The following RGS12 variants were observed in gnomAD, a reference collection of about 807,000 sequenced individuals.
The protein encoded by RGS12 is regulator of G protein signaling 12.
Under a neutral mutation model 120.1 loss-of-function variants are expected in RGS12, and 66 were observed. The observed-to-expected ratio is 0.55, with a 90% CI of 0.45 to 0.67. The LOEUF is 0.67. RGS12 is among the 30% of genes least tolerant of loss of function. The pLI is 0.00. For synonymous variants in RGS12, 827 were observed against 804.7 expected, an observed-to-expected ratio of 1.03 and a Z score of -0.47; for missense variants, 1,859 against 1,957.7, an observed-to-expected ratio of 0.95 and a Z score of 0.95.
At chr4:3,348,508 G>T (rs981491511) in intron 3 of RGS12, among the ~76,000 whole-genome samples, 4 of 152,210 alleles carry the variant, frequency 2.6e-5, no homozygotes, top group Admixed American at 6.5e-5. Flanking sequence ...GACATAGGAA[G>T]AGGGTGTCCA....
intron 14 of RGS12, chr4:3,426,481 T>A (rs1186816276): frequency 6.6e-6 from 1 of 152,510 alleles, no homozygotes; most frequent in Non-Finnish European, 1.5e-5. Context: ...AGTAGGCGCC[T>A]GTGCTCTGCC....
At chr4:3,375,293 TC>T (rs1452463727) in intron 3 of RGS12, among the ~76,000 whole-genome samples, 1 of 128,062 alleles carries the variant, frequency 7.8e-6, no homozygotes, top group African/African-American at 3.0e-5. Flanking sequence ...CCAGCCCTCA[TC>T]TCCAGCCCTC....
At chr4:3,347,791 C>G (rs755292523) in intron 3 of RGS12, among the ~76,000 whole-genome samples, 3 of 152,136 alleles carry the variant, frequency 2.0e-5, no homozygotes, top group Non-Finnish European at 2.9e-5. Flanking sequence ...GGTTTAAAAT[C>G]TGGTGGAAGT....
At chr4:3,304,382 G>C (rs543055811) in intron 1 of RGS12, among the ~76,000 whole-genome samples, 1 of 152,310 alleles carries the variant, frequency 6.6e-6, no homozygotes, top group African/African-American at 2.4e-5. Context: ...AGCTACCCAG[G>C]AACTGAGACA....
At chr4:3,308,308 C>T (rs1028065131) in intron 1 of RGS12, among the ~76,000 whole-genome samples, 5 of 152,246 alleles carry the variant, frequency 3.3e-5, no homozygotes, top group Non-Finnish European at 7.3e-5. Flanking sequence ...TAGTAAGAGG[C>T]TGTGTCCTCG....
chr4:3,368,831 C>T (rs1716663627), intron 3 of RGS12, among the ~76,000 whole-genome samples: 1 of 151,890 alleles, frequency 6.6e-6, no homozygotes, highest in Non-Finnish European at 1.5e-5. Flanking sequence ...AGAGATGTGG[C>T]TTAGCCCAGG....
At chr4:3,344,497 G>T (rs1713607114) in intron 3 of RGS12, among the ~76,000 whole-genome samples, 2 of 152,224 alleles carry the variant, frequency 1.3e-5, no homozygotes, top group Admixed American at 1.3e-4. Flanking sequence ...TGGTCATGAG[G>T]AACTCACTGT....
chr4:3,435,961 C>A (rs1306823852), intron 17 of RGS12, among the ~76,000 whole-genome samples: 5 of 103,790 alleles, frequency 4.8e-5, no homozygotes, highest in Admixed American at 2.4e-4. Flanking sequence ...CCCCCACTCC[C>A]CTATTCCCCA....
rs1719238514 is a variant in RGS12, at chr4:3,389,513, C to T, written c.2020+3076C>T. Among the ~76,000 whole-genome samples, 1 of 152,186 alleles carries T rather than the reference C, an allele frequency of 6.6e-6. No individual in the cohort carries two copies. The highest frequency in any genetic ancestry group is 2.4e-5 in the African/African-American group (1 of 41,442). The stretch of plus-strand genomic sequence containing the variant: ...CTGGAAAAAGGAACCTCTCACCTCT[C>T]CTGGTCTGGCTCTGCACAGAGCTGG... On this transcript the variant is annotated intron_variant, in intron 4 of 17. Coordinates refer to ENST00000336727, the MANE Select transcript of RGS12 (RefSeq NM_001394154.1). This position sits in a 1 kb window ranked among gnomAD's most constrained non-coding sequence, Gnocchi z 5.2.
At position 3,317,482 on chromosome 4, in the gene RGS12, G is replaced by C. The variant is rs769143744; in HGVS notation, c.1312G>C (p.Val438Leu). 1 of 1,613,830 alleles carries C rather than the reference G, an allele frequency of 6.2e-7. No individual in the cohort carries two copies. The highest frequency in any genetic ancestry group is 1.3e-5 in the African/African-American group (1 of 75,068). ...CCACCAGGAGGAGAAGAGCAACCGG[G>C]TCCTTGTGGTGGACCTGGGTGGGAG... ...NFHQEEKSNR[V>L]LVVDLGGSSS... Residue 438 changes from valine (V) to leucine (L), a missense_variant, in exon 2 of 18, where the codon GTC becomes CTC. By Grantham distance (32) the Val-to-Leu change is conservative. Transcript: ENST00000336727.
intron 3 of RGS12, among the ~76,000 whole-genome samples, chr4:3,344,382 A>G (rs546830621): frequency 6.6e-6 from 1 of 152,310 alleles, no homozygotes; most frequent in Admixed American, 6.5e-5. Flanking sequence ...TACCTAAGGC[A>G]GGGCCTAGCT....
intron 3 of RGS12, 170 bp downstream of exon 3, chr4:3,343,223 C>G (rs1713432874): frequency 1.7e-6 from 1 of 577,104 alleles, no homozygotes; most frequent in Non-Finnish European, 3.1e-6. Flanking sequence ...ATTTGGGAAC[C>G]TTTCTACCCT....
chr4:3,308,936 C>T (rs1377528503), intron 1 of RGS12, among the ~76,000 whole-genome samples: 6 of 152,270 alleles, frequency 3.9e-5, no homozygotes, highest in Non-Finnish European at 7.3e-5. Context: ...CCTGAGCCTG[C>T]GTGGAGTCCC....
At chr4:3,345,004 G>A (rs894034081) in intron 3 of RGS12, among the ~76,000 whole-genome samples, 7 of 152,204 alleles carry the variant, frequency 4.6e-5, no homozygotes, top group African/African-American at 1.7e-4. Flanking sequence ...GTAAGAAAAC[G>A]ATATTTATTA....
At chr4:3,296,098 CT>C (rs757046367) in intron 1 of RGS12, among the ~76,000 whole-genome samples, 4 of 152,364 alleles carry the variant, frequency 2.6e-5, no homozygotes, top group East Asian at 1.9e-4. Context: ...AACTGCCCCC[CT>C]GGTCAGCTTC....
At position 3,316,148 on chromosome 4, in the gene RGS12, C is replaced by T. The variant is rs778641426; in HGVS notation, c.-23C>T. The T allele has an allele frequency of 6.6e-7, 1 of 1,522,696 alleles. No homozygotes were observed. Among genetic ancestry groups the T allele is most frequent in the Non-Finnish European group, 8.8e-7 (1 of 1,136,280 alleles). The allele number at this position is 1,522,696 out of a possible 1,614,324, so 94.3% of individuals were successfully genotyped here. On this transcript the variant is annotated 5_prime_UTR_variant, in exon 2 of 18. Transcript: ENST00000336727. ...CTCCAAGGGAACAATGAGACGTGCT[C>T]TTGGTCTTGGAAGCTCATCAGAATG...
intron 3 of RGS12, among the ~76,000 whole-genome samples, chr4:3,380,971 G>A (rs111444439): frequency 0.035 from 5,301 of 152,232 alleles, 276 homozygotes; most frequent in African/African-American, 0.11. Context: ...CTTCTTTTCT[G>A]TCACATCGTC....
At chr4:3,396,107 A>AT (rs1229353292) in intron 4 of RGS12, among the ~76,000 whole-genome samples, 1 of 151,866 alleles carries the variant, frequency 6.6e-6, no homozygotes, top group African/African-American at 2.4e-5. Flanking sequence ...TTTTCCAAAT[A>AT]TTTTCCCAAA....
intron 2 of RGS12, among the ~76,000 whole-genome samples, chr4:3,326,790 A>G (rs1725578178): frequency 6.6e-6 from 1 of 152,218 alleles, no homozygotes; most frequent in South Asian, 2.1e-4. Context: ...AAACTACAAA[A>G]TACTGATGAG....
Sources: gnomAD v4.1 joint callset for allele counts (sites outside exome capture counted in the v4.1 genomes callset) on GRCh38, gnomAD v4.1.1 for gene constraint, Gnocchi (gnomAD v3.1) non-coding constraint, MANE v1.5 for transcripts, NCBI Gene and HGNC (gene_info 2026-07-23, HGNC 2026-07-21) for gene names.